The following DPY19L1 variants were observed in gnomAD, a reference collection of about 807,000 sequenced individuals.
DPY19L1 encodes protein C-mannosyl-transferase DPY19L1.
A neutral mutation model predicts 96.9 loss-of-function variants in DPY19L1; 35 were observed. That is an observed-to-expected ratio of 0.36 (90% CI 0.28 to 0.48). DPY19L1 has a LOEUF of 0.48. DPY19L1 is among the 20% of genes least tolerant of loss of function. The pLI is 0.99. For missense variants in DPY19L1, 521 were observed against 777.9 expected (o/e 0.67, Z 3.93); for synonymous variants, 205 against 252.6 (o/e 0.81, Z 1.79).
chr7:34,991,902 T>C (rs1785175830), intron 6 of DPY19L1, among the ~76,000 whole-genome samples: 1 of 152,230 alleles, frequency 6.6e-6, no homozygotes, highest in South Asian at 2.1e-4. Flanking sequence ...GCAAATACTG[T>C]ATAGTACAAA....
chr7:34,959,945 AT>A (rs1784468469), intron 10 of DPY19L1, among the ~76,000 whole-genome samples: 15 of 144,778 alleles, frequency 1.0e-4, no homozygotes, highest in Admixed American at 2.8e-4. Flanking sequence ...ATATATATAT[AT>A]AAAAGAACCT....
At position 34,955,333 on chromosome 7, in the gene DPY19L1, A is replaced by C. The variant is rs1784355522; in HGVS notation, c.1214T>G (p.Ile405Arg). The C allele has an allele frequency of 6.2e-7, 1 of 1,606,732 alleles. No homozygotes were observed. Among genetic ancestry groups the C allele is most frequent in the African/African-American group, 1.3e-5 (1 of 74,514 alleles). The change falls in exon 12 of 22, where the codon ATA (isoleucine) becomes AGA (arginine). Residue 405 changes from isoleucine (I) to arginine (R), a missense_variant. Coordinates refer to ENST00000638088, the MANE Select transcript of DPY19L1 (RefSeq NM_001366673.1). ...ILAMKPHFLK[I>R]NVSELSLWVI... ...CCATAAACTAAGTTCAGATACATTT[A>C]TTTTCAGGAAATGTGGTTTCATTGC...
At chr7:34,996,533 C>G (rs1304641693) in intron 6 of DPY19L1, among the ~76,000 whole-genome samples, 2 of 152,154 alleles carry the variant, frequency 1.3e-5, no homozygotes, top group Non-Finnish European at 2.9e-5. Context: ...AGTCTGTCCA[C>G]TTCCCTCCAT....
At chr7:34,984,035 T>C (rs1784996273) in intron 7 of DPY19L1, among the ~76,000 whole-genome samples, 1 of 152,054 alleles carries the variant, frequency 6.6e-6, no homozygotes, top group Non-Finnish European at 1.5e-5. Context: ...CAGAAGATAA[T>C]GGAATAGCAT....
chr7:34,943,634 A>T (rs769562724), intron 16 of DPY19L1, among the ~76,000 whole-genome samples: 4 of 152,166 alleles, frequency 2.6e-5, no homozygotes, highest in Non-Finnish European at 4.4e-5. Context: ...AAATGTCAAC[A>T]TGCCACTCCT....
chr7:35,027,729 T>C (rs369156757), intron 1 of DPY19L1, among the ~76,000 whole-genome samples: 4 of 148,718 alleles, frequency 2.7e-5, no homozygotes, highest in African/African-American at 7.4e-5. Context: ...TCCCAGACAC[T>C]TGGGAGGCTG....
At chr7:34,944,938 G>C (rs562655033) in intron 16 of DPY19L1, among the ~76,000 whole-genome samples, 1 of 152,106 alleles carries the variant, frequency 6.6e-6, no homozygotes, top group African/African-American at 2.4e-5. Flanking sequence ...AAGTGAAAAG[G>C]TCTTCACTTT....
rs1462589142 is a variant in DPY19L1 at position 34,958,065 on chromosome 7, A to G, written c.1098T>C (p.Ser366=). The G allele has an allele frequency of 1.3e-6, 2 of 1,572,778 alleles. No homozygotes were observed. The highest frequency in any genetic ancestry group is 2.3e-5 in the East Asian group (1 of 43,924). ...ACATCAAAACAAAACAAAGTGCAAG[A>G]GAAATCTGGAAAAATCCAAGAAAAA... ...LRKIIYIHMI[S]LALCFVLMFG... Residue 366 remains serine (S), a synonymous_variant, in exon 11 of 22, where the codon TCT becomes TCC. Transcript: ENST00000638088.
intron 1 of DPY19L1, among the ~76,000 whole-genome samples, chr7:35,033,643 T>C (rs771856402): frequency 1.3e-5 from 2 of 152,176 alleles, no homozygotes; most frequent in Non-Finnish European, 2.9e-5. Context: ...CCAGTGTTGA[T>C]ATGGCTATGC....
At chr7:35,037,603 C>T (rs952560786), upstream of DPY19L1, 8 of 255,574 alleles carry the variant, frequency 3.1e-5, no homozygotes, top group East Asian at 2.8e-4. Context: ...CGGGAGGCGG[C>T]GCCGGACTTG....
intron 8 of DPY19L1, among the ~76,000 whole-genome samples, chr7:34,971,577 C>T (rs1481308776): frequency 6.6e-6 from 1 of 152,102 alleles, no homozygotes; most frequent in Non-Finnish European, 1.5e-5. Context: ...ACAGAAATGC[C>T]AACTGGAATA....
Position 34,930,533 on chromosome 7 carries a change from CATTTTTGACAGCAA to C in DPY19L1, c.*1026_*1039del, listed in dbSNP as rs893781781. 3 of 152,112 alleles carry C rather than the reference CATTTTTGACAGCAA, an allele frequency of 2.0e-5. No individual in the cohort carries two copies. The highest frequency in any genetic ancestry group is 7.2e-5 in the African/African-American group (3 of 41,432). The allele number at this position is 152,112 out of a possible 1,614,324, so 9.4% of individuals were successfully genotyped here. Reference sequence around the variant, plus strand: ...AAACTCCATTTATCATTATTCTTTACATTTTTGACAGCAAAATTAGTCATGTTTTATTGTATCTT... The same window carrying C: ...AAACTCCATTTATCATTATTCTTTACAATTAGTCATGTTTTATTGTATCTT... On this transcript the variant is annotated 3_prime_UTR_variant, in exon 22 of 22. Transcript: ENST00000638088.
chr7:35,018,407 C>T (rs1043125434), intron 2 of DPY19L1, among the ~76,000 whole-genome samples, 165 bp downstream of exon 2: 1 of 152,058 alleles, frequency 6.6e-6, no homozygotes. Context: ...TTATATTATT[C>T]TGACCCTGAT....
chr7:35,022,817 C>T (rs1038854627), intron 1 of DPY19L1, among the ~76,000 whole-genome samples: 6 of 152,170 alleles, frequency 3.9e-5, no homozygotes, highest in African/African-American at 1.2e-4. Flanking sequence ...CAATGGAGCC[C>T]CCATTTACTT....
Position 35,017,935 on chromosome 7 carries a change from G to A in DPY19L1, c.358C>T (p.His120Tyr), listed in dbSNP as rs540553607. 2.5e-4 allele frequency: 403 copies of A among 1,605,498 alleles called. 4 individuals carry two copies. In the South Asian group the frequency reaches 4.2e-3, roughly 17 times the overall value. Residue 120 changes from histidine (H) to tyrosine (Y), a missense_variant, in exon 3 of 22, where the codon CAT becomes TAT. Physicochemically the swap from His to Tyr is moderately conservative, Grantham distance 83. Coordinates refer to ENST00000638088, the MANE Select transcript of DPY19L1 (RefSeq NM_001366673.1). ...HITHLFENDR[H>Y]FSHLSTLERE... ...TCCAATGTTGAGAGGTGAGAAAAAT[G>A]ACGGTCATTTTCAAAGAGGTGTGTT... is the stretch of plus-strand genomic sequence containing the variant.
At chr7:34,934,801 G>A (rs1237129655) in intron 21 of DPY19L1, among the ~76,000 whole-genome samples, 1 of 152,200 alleles carries the variant, frequency 6.6e-6, no homozygotes, top group Non-Finnish European at 1.5e-5. Context: ...AGCTCAGGCT[G>A]TAATGCTTGT....
chr7:35,023,760 T>C (rs1286383089), intron 1 of DPY19L1, among the ~76,000 whole-genome samples: 1 of 151,760 alleles, frequency 6.6e-6, no homozygotes, highest in African/African-American at 2.4e-5. Flanking sequence ...CCTCCTTCTC[T>C]ATGCTGGGCA....
intron 7 of DPY19L1, among the ~76,000 whole-genome samples, chr7:34,985,681 G>T (rs1785032555): frequency 6.6e-6 from 1 of 152,100 alleles, no homozygotes; most frequent in Non-Finnish European, 1.5e-5. Flanking sequence ...ATAAGTGTTG[G>T]AGAGGATGTG....
intron 10 of DPY19L1, among the ~76,000 whole-genome samples, chr7:34,959,905 ATATATATATATATATATATT>A (rs1050941805): frequency 2.8e-5 from 1 of 35,266 alleles, no homozygotes; most frequent in African/African-American, 1.6e-4. Flanking sequence ...ATAAATATAT[ATATATATATATATATATATT>A]TATATATATA....
Sources: gnomAD v4.1 joint callset for allele counts (sites outside exome capture counted in the v4.1 genomes callset) on GRCh38, gnomAD v4.1.1 for gene constraint, MANE v1.5 for transcripts, NCBI Gene and HGNC (gene_info 2026-07-23, HGNC 2026-07-21) for gene names.